Variants in TMEM178B observed in about 807,000 individuals in gnomAD.
The protein encoded by TMEM178B is transmembrane protein 178B.
TMEM178B carries 5 observed loss-of-function variants against 31.0 expected under a neutral mutation model. The observed-to-expected ratio is 0.16, with a 90% CI of 0.08 to 0.34. The LOEUF (loss-of-function observed/expected upper bound fraction) is 0.34. TMEM178B is among the 10% of genes least tolerant of loss of function. The pLI, the probability that TMEM178B is intolerant of heterozygous loss-of-function variation, is 1.00. For missense variants in TMEM178B, 275 were observed against 400.3 expected (o/e 0.69, Z 2.67); for synonymous variants, 164 against 164.0 (o/e 1.00, Z 0.00).
At chr7:141,360,334 A>G (rs1799896111) in intron 2 of TMEM178B, among the ~76,000 whole-genome samples, 1 of 152,216 alleles carries the variant, frequency 6.6e-6, no homozygotes, top group African/African-American at 2.4e-5. Flanking sequence ...TTCTGCTCTC[A>G]TAGAAACTCC....
In TMEM178B at chr7:141,381,648, A is replaced by G. The variant is rs569620795; in HGVS notation, c.497-55960A>G. 1.7e-3 allele frequency among the ~76,000 whole-genome samples: 266 copies of G among 152,306 alleles called. 2 individuals carry two copies. The highest frequency in any genetic ancestry group is 6.0e-3 in the African/African-American group (249 of 41,570). On this transcript the variant is annotated intron_variant, in intron 2 of 3. Transcript: ENST00000565468. The stretch of plus-strand genomic sequence containing the variant: ...AAAATTGAGGGCCTTAGTAGCCAAC[A>G]TTGCCTATATTTTTAAAAAGCCCTA...
At chr7:141,210,583 G>T (rs2129187587) in intron 1 of TMEM178B, among the ~76,000 whole-genome samples, 1 of 152,296 alleles carries the variant, frequency 6.6e-6, no homozygotes, top group East Asian at 1.9e-4. Context: ...CCCACTGGTG[G>T]AATAAGTCCA....
intron 2 of TMEM178B, among the ~76,000 whole-genome samples, chr7:141,404,533 C>T (rs1159581418): frequency 6.6e-6 from 1 of 152,170 alleles, no homozygotes; most frequent in Non-Finnish European, 1.5e-5. Context: ...ACGTGATCCT[C>T]TTCCCTGAGT....
chr7:141,083,465 G>T (rs549365032), intron 1 of TMEM178B, among the ~76,000 whole-genome samples: 29 of 150,182 alleles, frequency 1.9e-4, no homozygotes, highest in African/African-American at 7.1e-4. Context: ...GTTGATGGGG[G>T]GTGGGAAGAG....
the TMEM178B span, among the ~76,000 whole-genome samples, chr7:141,511,088 C>T: frequency 1.3e-5 from 2 of 151,872 alleles, no homozygotes; most frequent in African/African-American, 4.8e-5. Flanking sequence ...TTGCTTTAAA[C>T]AGCTGTAAAT....
chr7:141,191,980 C>A (rs1796704075), intron 1 of TMEM178B, among the ~76,000 whole-genome samples: 1 of 152,154 alleles, frequency 6.6e-6, no homozygotes, highest in Non-Finnish European at 1.5e-5. Context: ...AATATTTGAT[C>A]CATTGGGAAT....
At chr7:141,203,353 C>T (rs1290817723) in intron 1 of TMEM178B, among the ~76,000 whole-genome samples, 2 of 152,130 alleles carry the variant, frequency 1.3e-5, no homozygotes, top group East Asian at 1.9e-4. Flanking sequence ...GGTGAGACAG[C>T]GTCAAGTCCT....
intron 1 of TMEM178B, among the ~76,000 whole-genome samples, chr7:141,155,988 C>T (rs1796063696): frequency 6.6e-6 from 1 of 152,100 alleles, no homozygotes; most frequent in Admixed American, 6.5e-5. Context: ...TCGCTTGAAC[C>T]CAGGAGGCGG....
intron 2 of TMEM178B, among the ~76,000 whole-genome samples, chr7:141,359,320 A>G (rs771274096): frequency 1.3e-5 from 2 of 152,216 alleles, no homozygotes; most frequent in Admixed American, 1.3e-4. Flanking sequence ...TGAGTCTTGC[A>G]TAATTAACAC....
chr7:141,227,872 C>A (rs952018902), intron 2 of TMEM178B, among the ~76,000 whole-genome samples: 1 of 152,138 alleles, frequency 6.6e-6, no homozygotes, highest in Non-Finnish European at 1.5e-5. Flanking sequence ...TTTAAAGGAT[C>A]GTAGTGACTG....
chr7:141,268,781 A>G (rs1698828689), intron 2 of TMEM178B, among the ~76,000 whole-genome samples: 1 of 152,258 alleles, frequency 6.6e-6, no homozygotes, highest in Non-Finnish European at 1.5e-5. Context: ...GGCTTCTAAG[A>G]GAGAAAATGA....
At chr7:141,459,559 G>T (rs1375978266) in intron 3 of TMEM178B, among the ~76,000 whole-genome samples, 1 of 152,186 alleles carries the variant, frequency 6.6e-6, no homozygotes, top group Non-Finnish European at 1.5e-5. Flanking sequence ...AAAAAGTGTG[G>T]ATAATCTCGT....
chr7:141,095,873 C>T (rs1484768901), intron 1 of TMEM178B, among the ~76,000 whole-genome samples: 1 of 152,192 alleles, frequency 6.6e-6, no homozygotes, highest in Admixed American at 6.5e-5. Flanking sequence ...CCTCACGGTG[C>T]TGTGTTGAAT....
At chr7:141,255,416 G>A (rs1230133305) in intron 2 of TMEM178B, among the ~76,000 whole-genome samples, 3 of 152,276 alleles carry the variant, frequency 2.0e-5, no homozygotes, top group Non-Finnish European at 2.9e-5. Flanking sequence ...AGAAACAGTG[G>A]TTTCTAACCG....
At chr7:141,396,601 C>A (rs2116612838) in intron 2 of TMEM178B, among the ~76,000 whole-genome samples, 1 of 152,326 alleles carries the variant, frequency 6.6e-6, no homozygotes, top group Non-Finnish European at 1.5e-5. Flanking sequence ...CTGACCACTG[C>A]CTTTCTTCCT....
the TMEM178B span, among the ~76,000 whole-genome samples, chr7:141,501,575 A>G: frequency 6.6e-6 from 1 of 152,144 alleles, no homozygotes; most frequent in African/African-American, 2.4e-5. Flanking sequence ...TTTAAAGATG[A>G]GGTTAATATT....
At chr7:141,159,395 C>T (rs915129223) in intron 1 of TMEM178B, among the ~76,000 whole-genome samples, 2 of 152,124 alleles carry the variant, frequency 1.3e-5, no homozygotes, top group Non-Finnish European at 2.9e-5. Flanking sequence ...TATGGTAGCT[C>T]CCCCAAAAAT....
chr7:141,435,388 T>A (rs1476007195), intron 2 of TMEM178B, among the ~76,000 whole-genome samples: 1 of 152,128 alleles, frequency 6.6e-6, no homozygotes, highest in Non-Finnish European at 1.5e-5. Flanking sequence ...TTGAAGATGA[T>A]GGGGAGTAGA....
chr7:141,282,274 C>T (rs776300854), intron 2 of TMEM178B, among the ~76,000 whole-genome samples: 5 of 152,198 alleles, frequency 3.3e-5, no homozygotes, highest in African/African-American at 9.7e-5. Flanking sequence ...TTGCAAGTTA[C>T]GGGTTTGCCA....
Sources: allele counts gnomAD v4.1 joint callset (sites outside exome capture counted in the v4.1 genomes callset), GRCh38; gene constraint gnomAD v4.1.1; transcripts MANE v1.5; gene names NCBI Gene and HGNC (gene_info 2026-07-23, HGNC 2026-07-21).